Variants in PHF24 observed in about 807,000 individuals in gnomAD.
The protein encoded by PHF24 is PHD finger protein 24, also known as Galpha inhibitory interacting protein.
A neutral mutation model predicts 42.6 loss-of-function variants in PHF24; 25 were observed. The observed-to-expected ratio is 0.59, with a 90% CI of 0.43 to 0.82. PHF24 has a LOEUF of 0.82. PHF24 is among the 40% of genes least tolerant of loss of function. PHF24 has a pLI of 0.00. For missense variants in PHF24, 470 were observed against 538.1 expected, an observed-to-expected ratio of 0.87 and a Z score of 1.25; for synonymous variants, 185 against 204.8, an observed-to-expected ratio of 0.90 and a Z score of 0.83.
the PHF24 span, among the ~76,000 whole-genome samples, chr9:34,860,484 TA>T: frequency 6.6e-6 from 1 of 152,362 alleles, no homozygotes; most frequent in East Asian, 1.9e-4. Context: ...AATCTATGTA[TA>T]AAGCTCTTAA....
chr9:34,819,385 A>G, the PHF24 span, among the ~76,000 whole-genome samples: 1 of 151,910 alleles, frequency 6.6e-6, no homozygotes, highest in Non-Finnish European at 1.5e-5. Flanking sequence ...AGATTTTTCT[A>G]TTTCTTTAAT....
the PHF24 span, among the ~76,000 whole-genome samples, chr9:34,927,271 G>A: frequency 5.3e-5 from 8 of 152,280 alleles, no homozygotes; most frequent in Admixed American, 2.0e-4. Context: ...TGCAGCTGAC[G>A]TATGGCATTC....
the PHF24 span, among the ~76,000 whole-genome samples, chr9:34,878,476 C>T: frequency 2.4e-4 from 36 of 152,244 alleles, no homozygotes; most frequent in African/African-American, 8.2e-4. Flanking sequence ...CAAGGGAAGC[C>T]GTGACAGACA....
the PHF24 span, among the ~76,000 whole-genome samples, chr9:34,828,494 G>A: frequency 6.6e-6 from 1 of 151,960 alleles, no homozygotes; most frequent in African/African-American, 2.4e-5. Flanking sequence ...TCATTTTTCT[G>A]CACCTCTCTG....
chr9:34,790,515 C>T, the PHF24 span, among the ~76,000 whole-genome samples: 1 of 152,170 alleles, frequency 6.6e-6, no homozygotes, highest in African/African-American at 2.4e-5. Flanking sequence ...ATCTAAGACA[C>T]ATAGTAAGAG....
At chr9:34,974,027 G>C (rs1022399034) in intron 3 of PHF24, among the ~76,000 whole-genome samples, 2 of 151,616 alleles carry the variant, frequency 1.3e-5, no homozygotes, top group African/African-American at 4.9e-5. Context: ...CTTTTTATGA[G>C]ACAGGGTCTC....
the PHF24 span, among the ~76,000 whole-genome samples, chr9:34,754,316 C>A: frequency 6.6e-6 from 1 of 152,012 alleles, no homozygotes; most frequent in Non-Finnish European, 1.5e-5. Flanking sequence ...ATATTAGGAG[C>A]ACTCTATAGG....
the PHF24 span, among the ~76,000 whole-genome samples, chr9:34,909,818 T>C: frequency 1.3e-5 from 2 of 152,130 alleles, no homozygotes; most frequent in Middle Eastern, 6.3e-3. Context: ...GAGACGGGGT[T>C]TCACTGTGTT....
chr9:34,877,812 G>C, the PHF24 span, among the ~76,000 whole-genome samples: 1 of 152,078 alleles, frequency 6.6e-6, no homozygotes, highest in Admixed American at 6.6e-5. Flanking sequence ...TGCTACAGTG[G>C]TTTGCTGCAC....
At chr9:34,839,819 A>C in the PHF24 span, among the ~76,000 whole-genome samples, 1 of 152,214 alleles carries the variant, frequency 6.6e-6, no homozygotes, top group Admixed American at 6.5e-5. Flanking sequence ...AAATAATTTG[A>C]TGTATTACTG....
chr9:34,900,614 G>A, the PHF24 span, among the ~76,000 whole-genome samples: 1 of 152,100 alleles, frequency 6.6e-6, no homozygotes, highest in African/African-American at 2.4e-5. Context: ...CAATAATAAT[G>A]TGAAAATTTT....
At chr9:34,971,570 A>G in exon 2 of PHF24, 1 of 1,614,040 alleles carries the variant, frequency 6.2e-7, no homozygotes, top group Non-Finnish European at 8.5e-7. Context: ...GTGGAGCCTG[A>G]GGAGTTTGAC....
At chr9:34,934,137 C>A in the PHF24 span, among the ~76,000 whole-genome samples, 1 of 152,090 alleles carries the variant, frequency 6.6e-6, no homozygotes, top group African/African-American at 2.4e-5. Context: ...TATATAGATT[C>A]TCAAAATCAC....
the PHF24 span, among the ~76,000 whole-genome samples, chr9:34,807,952 A>G: frequency 2.0e-5 from 3 of 152,196 alleles, no homozygotes; most frequent in Non-Finnish European, 4.4e-5. Context: ...ATCTTCATTA[A>G]TAAAACATTA....
the PHF24 span, among the ~76,000 whole-genome samples, chr9:34,888,134 A>G: frequency 2.0e-5 from 3 of 152,006 alleles, no homozygotes; most frequent in South Asian, 2.1e-4. Flanking sequence ...CTCCTTCCCA[A>G]CTAATGCCTG....
the PHF24 span, chr9:34,665,929 GC>G: frequency 5.5e-6 from 3 of 548,642 alleles, no homozygotes; most frequent in South Asian, 6.5e-5. Context: ...CGGTCATGGG[GC>G]TGGGAGATTT....
chr9:34,729,270 G>A, the PHF24 span: 3 of 1,550,956 alleles, frequency 1.9e-6, no homozygotes, highest in Non-Finnish European at 2.6e-6. Context: ...GTTCAGTTGG[G>A]ATCACAGCCC....
At chr9:34,724,271 T>A in the PHF24 span, 1 of 1,551,498 alleles carries the variant, frequency 6.4e-7, no homozygotes, top group South Asian at 1.2e-5. Flanking sequence ...GGAGACCGAG[T>A]GGGCAGAACC....
the PHF24 span, among the ~76,000 whole-genome samples, chr9:34,822,802 G>A: frequency 1.3e-5 from 2 of 152,152 alleles, no homozygotes; most frequent in Non-Finnish European, 2.9e-5. Context: ...TGCTGTGCAG[G>A]TAGCCCAGCA....
Sources: gnomAD v4.1 joint callset for allele counts (sites outside exome capture counted in the v4.1 genomes callset) on GRCh38, gnomAD v4.1.1 for gene constraint, MANE v1.5 for transcripts, NCBI Gene and HGNC (gene_info 2026-07-23, HGNC 2026-07-21) for gene names.